Variants in PRKG1 observed in about 807,000 individuals in gnomAD.
The protein encoded by PRKG1 is cGMP-dependent protein kinase 1.
Under a neutral mutation model 88.1 loss-of-function variants are expected in PRKG1, and 35 were observed. That is an observed-to-expected ratio of 0.40 (90% CI 0.30 to 0.53). The LOEUF (loss-of-function observed/expected upper bound fraction) is 0.53, where lower values mean the gene tolerates loss of function less well. Ranked by LOEUF, PRKG1 falls within the 20% of genes least tolerant of loss-of-function variation. PRKG1 has a pLI of 0.59. For missense variants in PRKG1, 540 were observed against 839.8 expected (o/e 0.64, Z 4.41); for synonymous variants, 303 against 292.5 (o/e 1.04, Z -0.37).
At chr10:50,999,346 A>G (rs1842864597) in intron 1 of PRKG1, among the ~76,000 whole-genome samples, 1 of 152,192 alleles carries the variant, frequency 6.6e-6, no homozygotes. Context: ...CTGAGTGTTT[A>G]TTTATTAAGG....
chr10:52,272,676 T>C (rs970601913), intron 12 of PRKG1, among the ~76,000 whole-genome samples, 195 bp downstream of exon 12: 4 of 152,106 alleles, frequency 2.6e-5, no homozygotes, highest in African/African-American at 9.7e-5. Flanking sequence ...AAACTCACTT[T>C]GTAACTAACA....
chr10:52,119,200 C>A (rs920504653), intron 7 of PRKG1, among the ~76,000 whole-genome samples: 1 of 152,086 alleles, frequency 6.6e-6, no homozygotes, highest in Admixed American at 6.6e-5. Context: ...CAAGATGAAT[C>A]ATCTCAAGAG....
chr10:52,290,814 C>T (rs1842222171), intron 17 of PRKG1, among the ~76,000 whole-genome samples: 2 of 151,902 alleles, frequency 1.3e-5, no homozygotes, highest in African/African-American at 4.8e-5. Flanking sequence ...TGTGATTGTA[C>T]CACTATACTT....
At chr10:51,303,378 A>G (rs1417384928) in intron 2 of PRKG1, among the ~76,000 whole-genome samples, 1 of 148,764 alleles carries the variant, frequency 6.7e-6, no homozygotes, top group Admixed American at 6.7e-5. Flanking sequence ...CTTCACAGCA[A>G]TCATCAAACA....
intron 2 of PRKG1, among the ~76,000 whole-genome samples, chr10:51,438,908 T>C (rs995118554): frequency 6.6e-6 from 1 of 151,802 alleles, no homozygotes; most frequent in Admixed American, 6.6e-5. Flanking sequence ...TGGTGGACTT[T>C]ATTTACTCTG....
intron 1 of PRKG1, among the ~76,000 whole-genome samples, chr10:51,115,685 A>G (rs896734422): frequency 5.7e-4 from 86 of 151,868 alleles, no homozygotes; most frequent in African/African-American, 2.1e-3. Flanking sequence ...TAAAAATACA[A>G]AAATTAGCCA....
chr10:51,952,466 A>G (rs1843207379), intron 5 of PRKG1, among the ~76,000 whole-genome samples: 1 of 152,214 alleles, frequency 6.6e-6, no homozygotes, highest in Non-Finnish European at 1.5e-5. Flanking sequence ...GATTGACTTC[A>G]TTAGCCTCAA....
At chr10:51,404,985 C>T (rs1424734718) in intron 2 of PRKG1, among the ~76,000 whole-genome samples, 1 of 152,164 alleles carries the variant, frequency 6.6e-6, no homozygotes, top group African/African-American at 2.4e-5. Flanking sequence ...ACAAAGTTCT[C>T]ACTTCTGCAG....
chr10:52,133,610 A>G (rs1341108478), intron 7 of PRKG1, among the ~76,000 whole-genome samples: 1 of 152,146 alleles, frequency 6.6e-6, no homozygotes, highest in Non-Finnish European at 1.5e-5. Flanking sequence ...ATGAAATTTC[A>G]AATTTGAAAA....
At chr10:51,020,843 C>T (rs1189862432) in intron 1 of PRKG1, among the ~76,000 whole-genome samples, 1 of 152,034 alleles carries the variant, frequency 6.6e-6, no homozygotes, top group East Asian at 1.9e-4. Context: ...TTTCATGAGT[C>T]AAAATTGATT....
At chr10:51,340,710 C>T (rs1054362736) in intron 2 of PRKG1, among the ~76,000 whole-genome samples, 6 of 152,122 alleles carry the variant, frequency 3.9e-5, no homozygotes, top group Non-Finnish European at 7.4e-5. Context: ...TAACTTAATG[C>T]ATTCAGTTGT....
chr10:51,541,085 G>A (rs1444641915), intron 3 of PRKG1, among the ~76,000 whole-genome samples: 1 of 152,118 alleles, frequency 6.6e-6, no homozygotes, highest in African/African-American at 2.4e-5. Context: ...TGGGACCAGG[G>A]ACCAGTTTCA....
chr10:51,096,466 A>T (rs1844532409), intron 1 of PRKG1, among the ~76,000 whole-genome samples: 1 of 152,052 alleles, frequency 6.6e-6, no homozygotes, highest in Non-Finnish European at 1.5e-5. Flanking sequence ...AGTCAGAGAA[A>T]CCTGAATTCA....
At chr10:52,229,898 G>C (rs1840482458) in intron 9 of PRKG1, among the ~76,000 whole-genome samples, 1 of 152,088 alleles carries the variant, frequency 6.6e-6, no homozygotes, top group Non-Finnish European at 1.5e-5. Context: ...TTTTAATAAA[G>C]AGTCTAGAAT....
chr10:50,993,238 G>C (rs910352650), intron 1 of PRKG1, among the ~76,000 whole-genome samples: 1 of 152,160 alleles, frequency 6.6e-6, no homozygotes, highest in African/African-American at 2.4e-5. Flanking sequence ...CAGGCAGAAA[G>C]GACTCCTCTT....
At chr10:52,040,390 T>C (rs546816896) in intron 5 of PRKG1, among the ~76,000 whole-genome samples, 2 of 152,210 alleles carry the variant, frequency 1.3e-5, no homozygotes, top group Non-Finnish European at 2.9e-5. Flanking sequence ...CAAGTTCTGC[T>C]GAAGCTAATT....
chr10:51,821,571 C>T (rs1839746451), intron 4 of PRKG1, among the ~76,000 whole-genome samples: 2 of 151,956 alleles, frequency 1.3e-5, no homozygotes, highest in African/African-American at 4.8e-5. Context: ...ACATAGTCTG[C>T]AAATATTTTG....
intron 1 of PRKG1, among the ~76,000 whole-genome samples, chr10:51,041,203 G>A (rs555952298): frequency 6.6e-6 from 1 of 152,206 alleles, no homozygotes; most frequent in Non-Finnish European, 1.5e-5. Context: ...CAGGCTCTAG[G>A]TATCCCTTCC....
chr10:51,553,202 T>G (rs2132131608), intron 3 of PRKG1, among the ~76,000 whole-genome samples: 1 of 151,764 alleles, frequency 6.6e-6, no homozygotes, highest in Non-Finnish European at 1.5e-5. Context: ...CACATACTTT[T>G]TAAGAGGTAC....
Sources: gnomAD v4.1 joint callset for allele counts (sites outside exome capture counted in the v4.1 genomes callset) on GRCh38, gnomAD v4.1.1 for gene constraint, MANE v1.5 for transcripts, NCBI Gene and HGNC (gene_info 2026-07-23, HGNC 2026-07-21) for gene names.